SGCZ: variants seen among roughly 807,000 people sequenced by gnomAD.
The protein encoded by SGCZ is zeta-sarcoglycan.
A neutral mutation model predicts 41.3 loss-of-function variants in SGCZ; 40 were observed. The ratio of observed to expected loss-of-function variants is 0.97; its 90% confidence interval spans 0.75 to 1.26. The LOEUF is 1.26. Among genes scored for constraint, SGCZ ranks in the 50% most tolerant of loss-of-function variants. The pLI is 0.00. For missense variants in SGCZ, 552 were observed against 369.8 expected (o/e 1.49, Z -4.04); for synonymous variants, 206 against 137.5 (o/e 1.50, Z -3.49).
intron 1 of SGCZ, among the ~76,000 whole-genome samples, chr8:14,963,095 T>A (rs1286601519): frequency 6.6e-6 from 1 of 152,180 alleles, no homozygotes; most frequent in African/African-American, 2.4e-5. Context: ...TGTATTTCTT[T>A]ACTAAAGCCA....
chr8:15,170,365 TA>T (rs67973474), intron 1 of SGCZ, among the ~76,000 whole-genome samples: 3 of 151,880 alleles, frequency 2.0e-5, no homozygotes, highest in East Asian at 1.9e-4. Context: ...CCCAAAGATA[TA>T]AAAAAAAAAG....
At chr8:14,514,783 ATGTGTG>A (rs200862544) in intron 2 of SGCZ, among the ~76,000 whole-genome samples, 24,225 of 100,168 alleles carry the variant, frequency 0.24, 2,537 homozygotes, top group East Asian at 0.45. Flanking sequence ...ATATATGTAA[ATGTGTG>A]TGTGTGTGTG....
At chr8:14,310,670 C>G (rs1471199305) in intron 3 of SGCZ, among the ~76,000 whole-genome samples, 1 of 151,980 alleles carries the variant, frequency 6.6e-6, no homozygotes, top group South Asian at 2.1e-4. Flanking sequence ...AAAATGTGTA[C>G]AGTGAATTGT....
chr8:14,578,849 C>A (rs929843534), intron 1 of SGCZ, among the ~76,000 whole-genome samples: 6 of 152,224 alleles, frequency 3.9e-5, no homozygotes, highest in African/African-American at 1.4e-4. Flanking sequence ...AACTTAATAG[C>A]ATCCAATTTG....
rs563200371 is a variant in SGCZ, at chr8:14,909,358, T to C, written c.39+328227A>G. ...TTTTTGAAGTGTTTACATATTTTTCTTGGTGTGAACTTCACTGTCTTTAAT... is the reference window on the plus strand; with the variant it reads ...TTTTTGAAGTGTTTACATATTTTTCCTGGTGTGAACTTCACTGTCTTTAAT... On this transcript the variant is annotated intron_variant, in intron 1 of 7. Coordinates refer to ENST00000382080, the MANE Select transcript of SGCZ (RefSeq NM_139167.4). Among the ~76,000 whole-genome samples the C allele has an allele frequency of 2.0e-5, 3 of 152,332 alleles. No individual in the cohort carries two copies. In the East Asian group the frequency reaches 5.8e-4, roughly 29 times the overall value.
At chr8:14,832,692 T>A (rs1802573633) in intron 1 of SGCZ, among the ~76,000 whole-genome samples, 2 of 152,124 alleles carry the variant, frequency 1.3e-5, no homozygotes, top group African/African-American at 4.8e-5. Flanking sequence ...AGTATATGGG[T>A]GTGTTGACTT....
chr8:14,853,751 G>C lies in SGCZ; in HGVS notation c.40-298825C>G, dbSNP rs1803434870. Among the ~76,000 whole-genome samples the C allele has an allele frequency of 2.0e-5, 3 of 152,022 alleles. 1 individual carries two copies. The South Asian group carries it at 6.2e-4, about 32-fold the overall frequency. ...TTTCCTAGTGAAACGCTTGGGAAAG[G>C]AGAGAGGAAGGGAGAAAAATAAACA... On this transcript the variant is annotated intron_variant, in intron 1 of 7. Coordinates refer to ENST00000382080, the MANE Select transcript of SGCZ (RefSeq NM_139167.4).
intron 4 of SGCZ, among the ~76,000 whole-genome samples, chr8:14,173,884 A>G (rs1468450155): frequency 2.0e-5 from 3 of 152,146 alleles, no homozygotes; most frequent in Non-Finnish European, 2.9e-5. Context: ...AAATCTTACA[A>G]GAGATATATT....
In SGCZ at chr8:14,796,353, A is replaced by T. The variant is rs561247734; in HGVS notation, c.40-241427T>A. 2.0e-5 allele frequency among the ~76,000 whole-genome samples: 3 copies of T among 152,190 alleles called. No homozygotes were observed. In the East Asian group the frequency reaches 5.8e-4, roughly 29 times the overall value. On this transcript the variant is annotated intron_variant, in intron 1 of 7. Transcript: ENST00000382080. The stretch of plus-strand genomic sequence containing the variant: ...GGCTGGTATTGGAACTCCTGGCCTC[A>T]AGTGATCATTCCACCTTGGCGTCTC...
intron 2 of SGCZ, among the ~76,000 whole-genome samples, chr8:14,459,447 G>GA (rs1003011232): frequency 5.3e-5 from 8 of 151,952 alleles, no homozygotes; most frequent in Non-Finnish European, 1.2e-4. Context: ...AAAAAAAGAA[G>GA]AAAAAGTGTT....
intron 2 of SGCZ, among the ~76,000 whole-genome samples, chr8:14,325,179 G>A (rs545770979): frequency 6.6e-6 from 1 of 152,164 alleles, no homozygotes; most frequent in African/African-American, 2.4e-5. Context: ...AGATTAATCT[G>A]GCAGAAGTAC....
chr8:14,095,890 T>G (rs867082086), intron 7 of SGCZ, among the ~76,000 whole-genome samples: 10 of 152,170 alleles, frequency 6.6e-5, no homozygotes, highest in South Asian at 2.1e-4. Flanking sequence ...TGACTCATGA[T>G]TTGACTCCCT....
chr8:14,755,184 C>T (rs554010256), intron 1 of SGCZ, among the ~76,000 whole-genome samples: 24 of 151,880 alleles, frequency 1.6e-4, no homozygotes, highest in African/African-American at 5.6e-4. Context: ...AAAAATCTTT[C>T]TTTGGATGGA....
chr8:14,520,331 T>C (rs1004988586), intron 2 of SGCZ, among the ~76,000 whole-genome samples: 1 of 152,270 alleles, frequency 6.6e-6, no homozygotes, highest in Non-Finnish European at 1.5e-5. Context: ...TGGAAGCAGC[T>C]ATTACAATTC....
chr8:15,157,602 T>C lies in SGCZ; in HGVS notation c.39+79983A>G, dbSNP rs142670597. Among the ~76,000 whole-genome samples the C allele has an allele frequency of 2.0e-5, 3 of 152,316 alleles. No homozygotes were observed. The East Asian group carries it at 5.8e-4, about 29-fold the overall frequency. ...CCAGGAGGCTACCACACCAGACTAA[T>C]GTCCTGGTTCTACTAGGCTTACAGC... On this transcript the variant is annotated intron_variant, in intron 1 of 7. Transcript: ENST00000382080.
At chr8:14,718,183 T>C (rs1001621293) in intron 1 of SGCZ, among the ~76,000 whole-genome samples, 5 of 151,598 alleles carry the variant, frequency 3.3e-5, no homozygotes, top group African/African-American at 4.8e-5. Context: ...CAAACACACA[T>C]ACAAACAAAA....
chr8:15,191,326 C>T (rs901100319), intron 1 of SGCZ, among the ~76,000 whole-genome samples: 5 of 151,918 alleles, frequency 3.3e-5, no homozygotes, highest in Non-Finnish European at 7.4e-5. Flanking sequence ...TTATTCATTT[C>T]GTATTCACAA....
At chr8:14,105,863 A>T (rs1802186174) in intron 6 of SGCZ, among the ~76,000 whole-genome samples, 1 of 152,182 alleles carries the variant, frequency 6.6e-6, no homozygotes, top group African/African-American at 2.4e-5. Context: ...CACAGTAAAA[A>T]TTATAAAATG....
chr8:14,297,021 A>C (rs1249646221), intron 3 of SGCZ, among the ~76,000 whole-genome samples: 1 of 152,078 alleles, frequency 6.6e-6, no homozygotes, highest in African/African-American at 2.4e-5. Flanking sequence ...TCCCAGGTTC[A>C]AACGATTCTC....
Sources: gnomAD v4.1 joint callset for allele counts (sites outside exome capture counted in the v4.1 genomes callset) on GRCh38, gnomAD v4.1.1 for gene constraint, MANE v1.5 for transcripts, NCBI Gene and HGNC (gene_info 2026-07-23, HGNC 2026-07-21) for gene names.